Variants in PRCP observed in about 807,000 individuals in gnomAD.
PRCP encodes lysosomal Pro-X carboxypeptidase.
In PRCP, 46 loss-of-function variants were observed where a neutral mutation model predicts 54.2. The ratio of observed to expected loss-of-function variants is 0.85; its 90% CI spans 0.67 to 1.09. The LOEUF is 1.09. Among genes scored for constraint, PRCP ranks in the 50% least tolerant of loss-of-function variants. PRCP has a pLI of 0.00. For missense variants in PRCP, 613 were observed against 596.8 expected, an observed-to-expected ratio of 1.03 and a Z score of -0.28; for synonymous variants, 240 against 212.2, an observed-to-expected ratio of 1.13 and a Z score of -1.14.
At chr11:82,847,292 T>A (rs1186632512) in intron 6 of PRCP, among the ~76,000 whole-genome samples, 2 of 152,192 alleles carry the variant, frequency 1.3e-5, no homozygotes, top group Non-Finnish European at 2.9e-5. Context: ...GTCCCCTCAA[T>A]CCTCAGTCAA....
chr11:82,847,214 T>C (rs1366403958), intron 6 of PRCP, among the ~76,000 whole-genome samples: 2 of 152,206 alleles, frequency 1.3e-5, no homozygotes, highest in Admixed American at 1.3e-4. Context: ...AAGATACAAA[T>C]GTAATTCTCA....
At chr11:82,900,561 G>C (rs1035167321), upstream of PRCP, 2 of 1,009,438 alleles carry the variant, frequency 2.0e-6, no homozygotes, top group Non-Finnish European at 1.5e-6. Flanking sequence ...CGCCGCCCAA[G>C]CCAGGTCACC....
chr11:82,875,170 G>C (rs1171482727), intron 1 of PRCP, among the ~76,000 whole-genome samples: 2 of 152,210 alleles, frequency 1.3e-5, no homozygotes. Flanking sequence ...ACCCTATGGA[G>C]TAGAGAGGCT....
chr11:82,835,072 A>G (rs1858487546), intron 8 of PRCP, among the ~76,000 whole-genome samples: 1 of 152,212 alleles, frequency 6.6e-6, no homozygotes, highest in Admixed American at 6.5e-5. Context: ...CTCAAAAGAA[A>G]AAGAAAAACA....
At chr11:82,887,426 T>C (rs913543469) in intron 1 of PRCP, among the ~76,000 whole-genome samples, 6 of 152,258 alleles carry the variant, frequency 3.9e-5, no homozygotes, top group Non-Finnish European at 8.8e-5. Flanking sequence ...GCTGTTTTAC[T>C]GTGTAACTGT....
At chr11:82,892,491 A>G (rs1860027465) in intron 1 of PRCP, among the ~76,000 whole-genome samples, 2 of 152,232 alleles carry the variant, frequency 1.3e-5, no homozygotes, top group Admixed American at 1.3e-4. Context: ...TTTTCAGTAC[A>G]GAATTATTCT....
intron 2 of PRCP, chr11:82,858,164 T>C (rs1326159744): frequency 6.6e-6 from 1 of 152,246 alleles, no homozygotes; most frequent in Non-Finnish European, 1.5e-5. Context: ...CAACATCTTT[T>C]AACATTATGT....
chr11:82,867,113 T>C (rs1350245879), intron 1 of PRCP, among the ~76,000 whole-genome samples: 2 of 152,184 alleles, frequency 1.3e-5, no homozygotes, highest in Non-Finnish European at 2.9e-5. Flanking sequence ...ATGTTAAAAT[T>C]ATCACAGATG....
At chr11:82,881,045 G>GC (rs1421643694) in intron 1 of PRCP, among the ~76,000 whole-genome samples, 1 of 152,114 alleles carries the variant, frequency 6.6e-6, no homozygotes, top group Non-Finnish European at 1.5e-5. Context: ...AAAGGCTTTT[G>GC]CTTCCAGGTC....
intron 7 of PRCP, 124 bp downstream of exon 7, chr11:82,839,137 A>C: frequency 3.2e-6 from 3 of 925,786 alleles, no homozygotes; most frequent in Non-Finnish European, 4.9e-6. Flanking sequence ...TCACAGCATA[A>C]GGTAACAGAG....
chr11:82,850,127 A>ATG, intron 4 of PRCP, 56 bp from the exon 5 acceptor site: 1 of 828,214 alleles, frequency 1.2e-6, no homozygotes, highest in Non-Finnish European at 1.6e-6. Context: ...ATATATATAT[A>ATG]TTATATATAT....
chr11:82,841,268 G>A (rs10047495), intron 6 of PRCP, among the ~76,000 whole-genome samples: 71,740 of 140,580 alleles, frequency 0.51, 18,455 homozygotes, highest in African/African-American at 0.64. Flanking sequence ...GCCAGCGGGG[G>A]AAAAAAAAAA....
chr11:82,833,340 GA>G (rs1448920813), intron 8 of PRCP, among the ~76,000 whole-genome samples: 1 of 152,176 alleles, frequency 6.6e-6, no homozygotes, highest in Non-Finnish European at 1.5e-5. Context: ...ATTTCTTGGA[GA>G]AGGTATGAAT....
chr11:82,825,683 T>TA (rs1858213660), intron 8 of PRCP: 1 of 157,060 alleles, frequency 6.4e-6, no homozygotes, highest in Non-Finnish European at 1.4e-5. Flanking sequence ...CTGCATTTTT[T>TA]ATCTAATATA....
intron 6 of PRCP, among the ~76,000 whole-genome samples, chr11:82,846,679 G>A (rs1210290360): frequency 6.6e-6 from 1 of 152,120 alleles, no homozygotes; most frequent in Non-Finnish European, 1.5e-5. Flanking sequence ...AGCATAAAAG[G>A]ATTGCAGTAA....
At chr11:82,856,393 T>C (rs1442614867) in intron 2 of PRCP, among the ~76,000 whole-genome samples, 1 of 152,184 alleles carries the variant, frequency 6.6e-6, no homozygotes, top group Admixed American at 6.5e-5. Flanking sequence ...TGGAGGCCAT[T>C]ATCCTAAGTG....
chr11:82,843,220 G>A lies in PRCP; in HGVS notation c.922-3795C>T, dbSNP rs1328232545. ...GCTACTCAGGAAGCTGAGGTGGGAG[G>A]ATTGCTTCAGTCAGGAGTTCCAGGC... On this transcript the variant is annotated intron_variant, in intron 6 of 8. Transcript: ENST00000313010. 3 of 151,922 alleles carry A rather than the reference G, an allele frequency of 2.0e-5. No homozygotes were observed. The South Asian group carries it at 6.2e-4, about 32-fold the overall frequency. The allele number at this position is 151,922 out of a possible 1,614,324, so 9.4% of individuals were successfully genotyped here.
intron 6 of PRCP, among the ~76,000 whole-genome samples, chr11:82,842,415 C>T (rs991145705): frequency 6.6e-6 from 1 of 152,132 alleles, no homozygotes; most frequent in Admixed American, 6.5e-5. Context: ...GGTCAGATCA[C>T]CCTTGGAGTA....
intron 6 of PRCP, among the ~76,000 whole-genome samples, chr11:82,843,848 C>T (rs914562400): frequency 6.6e-5 from 10 of 152,064 alleles, no homozygotes; most frequent in Non-Finnish European, 1.5e-4. Flanking sequence ...GAAGAGAAAA[C>T]AAGCTCAGAG....
Sources: gnomAD v4.1 joint callset for allele counts (sites outside exome capture counted in the v4.1 genomes callset) on GRCh38, gnomAD v4.1.1 for gene constraint, MANE v1.5 for transcripts, NCBI Gene and HGNC (gene_info 2026-07-23, HGNC 2026-07-21) for gene names.